The following CPQ variants were observed in gnomAD, a reference collection of about 807,000 sequenced individuals.
CPQ encodes the protein carboxypeptidase Q, also known as Ser-Met dipeptidase.
CPQ carries 37 observed loss-of-function variants against 45.7 expected under a neutral mutation model. The ratio of observed to expected loss-of-function variants is 0.81; its 90% CI spans 0.62 to 1.07. The LOEUF is 1.07. Among genes scored for constraint, CPQ ranks in the 50% least tolerant of loss-of-function variants. The pLI, the probability that CPQ is intolerant of heterozygous loss-of-function variation, is 0.00. For synonymous variants in CPQ, 186 were observed against 205.8 expected (o/e 0.90, Z 0.82); for missense variants, 537 against 572.9 (o/e 0.94, Z 0.64).
At chr8:96,921,039 T>A (rs1243443889) in intron 4 of CPQ, among the ~76,000 whole-genome samples, 1 of 152,198 alleles carries the variant, frequency 6.6e-6, no homozygotes, top group Non-Finnish European at 1.5e-5. Flanking sequence ...ACACACGCCA[T>A]TTGAACTTCA....
intron 4 of CPQ, among the ~76,000 whole-genome samples, chr8:96,937,235 A>G (rs1241906580): frequency 1.3e-5 from 2 of 152,152 alleles, no homozygotes; most frequent in African/African-American, 4.8e-5. Flanking sequence ...ACTTAAACTC[A>G]GGGAATCAGG....
intron 1 of CPQ, among the ~76,000 whole-genome samples, chr8:96,707,928 T>C (rs376115826): frequency 2.0e-5 from 3 of 152,218 alleles, no homozygotes. Context: ...TCAAGTATTG[T>C]CATATTGTGT....
chr8:96,971,432 C>G (rs1482863993), intron 5 of CPQ, among the ~76,000 whole-genome samples: 1 of 152,210 alleles, frequency 6.6e-6, no homozygotes, highest in Non-Finnish European at 1.5e-5. Context: ...GCTAATGACT[C>G]TATCAGGTTT....
intron 5 of CPQ, among the ~76,000 whole-genome samples, chr8:97,006,921 G>T (rs1270862072): frequency 6.6e-6 from 1 of 152,180 alleles, no homozygotes; most frequent in Non-Finnish European, 1.5e-5. Flanking sequence ...GTACATGAGG[G>T]CAGAGATTCT....
intron 1 of CPQ, among the ~76,000 whole-genome samples, chr8:96,772,474 G>A (rs769187274): frequency 3.3e-5 from 5 of 152,062 alleles, no homozygotes; most frequent in Non-Finnish European, 5.9e-5. Flanking sequence ...AACTGAGAGA[G>A]CTCACTCAGT....
chr8:96,710,870 A>G (rs1248466287), intron 1 of CPQ, among the ~76,000 whole-genome samples: 1 of 152,140 alleles, frequency 6.6e-6, no homozygotes, highest in African/African-American at 2.4e-5. Context: ...AATTTTTTTT[A>G]TAGTGTAGAT....
At chr8:96,989,262 T>C (rs1809043835) in intron 5 of CPQ, among the ~76,000 whole-genome samples, 1 of 152,122 alleles carries the variant, frequency 6.6e-6, no homozygotes, top group Non-Finnish European at 1.5e-5. Context: ...GCCAGAAATA[T>C]GCGTGACCAG....
At chr8:97,124,463 C>T (rs1450876910) in intron 7 of CPQ, among the ~76,000 whole-genome samples, 1 of 152,080 alleles carries the variant, frequency 6.6e-6, no homozygotes, top group Non-Finnish European at 1.5e-5. Context: ...CATTCAACAA[C>T]AGCAGGGTGT....
intron 1 of CPQ, among the ~76,000 whole-genome samples, chr8:96,780,579 A>T (rs959992096): frequency 6.6e-6 from 1 of 152,184 alleles, no homozygotes; most frequent in Non-Finnish European, 1.5e-5. Context: ...AACCCAATTT[A>T]TCTGAAATAT....
intron 3 of CPQ, among the ~76,000 whole-genome samples, chr8:96,868,341 A>G (rs1812021136): frequency 6.6e-6 from 1 of 152,122 alleles, no homozygotes; most frequent in South Asian, 2.1e-4. Context: ...CCTTGTGGTC[A>G]TCTTATAGAC....
intron 4 of CPQ, among the ~76,000 whole-genome samples, chr8:96,939,353 G>T (rs115586062): frequency 0.012 from 1,767 of 152,232 alleles, 40 homozygotes; most frequent in African/African-American, 0.039. Context: ...TTCCTGTTGT[G>T]CGGCCATATT....
intron 1 of CPQ, among the ~76,000 whole-genome samples, chr8:96,778,846 C>A (rs1168892026): frequency 6.6e-6 from 1 of 151,996 alleles, no homozygotes; most frequent in East Asian, 1.9e-4. Flanking sequence ...GGGGGTGGAT[C>A]ACAAGGTCAG....
intron 7 of CPQ, among the ~76,000 whole-genome samples, chr8:97,113,245 G>A (rs566462226): frequency 5.3e-5 from 8 of 152,284 alleles, no homozygotes; most frequent in African/African-American, 1.9e-4. Flanking sequence ...TTTGAGACAA[G>A]TCCTGTGCTG....
chr8:96,937,961 T>C (rs1398697411), intron 4 of CPQ, among the ~76,000 whole-genome samples: 1 of 152,216 alleles, frequency 6.6e-6, no homozygotes, highest in Non-Finnish European at 1.5e-5. Context: ...AGATTGTGCA[T>C]TGTTAAAAAT....
At chr8:96,729,285 C>T (rs1316377974) in intron 1 of CPQ, among the ~76,000 whole-genome samples, 2 of 152,132 alleles carry the variant, frequency 1.3e-5, no homozygotes, top group African/African-American at 4.8e-5. Flanking sequence ...TAAGACAATG[C>T]TGTCTTCTCC....
At chr8:97,061,042 G>A (rs963071699) in intron 6 of CPQ, among the ~76,000 whole-genome samples, 1 of 152,106 alleles carries the variant, frequency 6.6e-6, no homozygotes, top group Non-Finnish European at 1.5e-5. Flanking sequence ...GAAAACATAT[G>A]GAGATGTTTA....
intron 6 of CPQ, among the ~76,000 whole-genome samples, chr8:97,042,428 A>G (rs1355129456): frequency 6.6e-6 from 1 of 152,072 alleles, no homozygotes; most frequent in Non-Finnish European, 1.5e-5. Context: ...GATCCTTTCA[A>G]AAAACCAGCT....
At chr8:96,979,398 G>T (rs961477915) in intron 5 of CPQ, among the ~76,000 whole-genome samples, 1 of 152,346 alleles carries the variant, frequency 6.6e-6, no homozygotes, top group South Asian at 2.1e-4. Flanking sequence ...CAGCTTTGGA[G>T]TTGCTTAGCA....
chr8:96,849,570 A>C (rs1181982330), intron 3 of CPQ, among the ~76,000 whole-genome samples: 1 of 152,200 alleles, frequency 6.6e-6, no homozygotes, highest in Non-Finnish European at 1.5e-5. Context: ...CTGGATCCTC[A>C]ATGCCTATAG....
Sources: allele counts gnomAD v4.1 joint callset (sites outside exome capture counted in the v4.1 genomes callset), GRCh38; gene constraint gnomAD v4.1.1; transcripts MANE v1.5; gene names NCBI Gene and HGNC (gene_info 2026-07-23, HGNC 2026-07-21).